The following AKAP10 variants were observed in gnomAD, a reference collection of about 807,000 sequenced individuals.
The protein encoded by AKAP10 is A-kinase anchoring protein 10, also known as A-kinase anchor protein 10, mitochondrial.
A neutral mutation model predicts 80.8 loss-of-function variants in AKAP10; 24 were observed. That is an observed-to-expected ratio of 0.30 (90% confidence interval 0.22 to 0.42). The LOEUF is 0.42. Ranked by LOEUF, AKAP10 falls within the 10% of genes least tolerant of loss-of-function variation. The pLI, the probability that AKAP10 is intolerant of heterozygous loss-of-function variation, is 1.00. For synonymous variants in AKAP10, 291 were observed against 277.7 expected, an observed-to-expected ratio of 1.05 and a Z score of -0.48; for missense variants, 661 against 794.9, an observed-to-expected ratio of 0.83 and a Z score of 2.03.
chr17:19,932,449 T>C (rs1482512857), intron 9 of AKAP10, among the ~76,000 whole-genome samples: 2 of 98,788 alleles, frequency 2.0e-5, no homozygotes, highest in Non-Finnish European at 4.1e-5. Context: ...CAAGACTGTC[T>C]AAAAAAAAAA....
chr17:19,964,347 T>C (rs1339732460), intron 2 of AKAP10, among the ~76,000 whole-genome samples: 1 of 152,206 alleles, frequency 6.6e-6, no homozygotes, highest in African/African-American at 2.4e-5. Context: ...TCTTTCTTGG[T>C]CTCCATGGTA....
chr17:19,962,036 T>C (rs1428776820), intron 3 of AKAP10, among the ~76,000 whole-genome samples: 1 of 152,062 alleles, frequency 6.6e-6, no homozygotes, highest in Non-Finnish European at 1.5e-5. Context: ...GAATGGCTTG[T>C]GCCCAGGAGG....
chr17:19,970,497 C>A (rs2043481409), intron 1 of AKAP10, among the ~76,000 whole-genome samples: 1 of 152,206 alleles, frequency 6.6e-6, no homozygotes, highest in African/African-American at 2.4e-5. Flanking sequence ...CCACCTGACC[C>A]TTCCTTTCCC....
chr17:19,909,351 A>C, intron 13 of AKAP10, 75 bp from the exon 14 acceptor site: 3 of 1,297,890 alleles, frequency 2.3e-6, no homozygotes, highest in Non-Finnish European at 3.2e-6. Flanking sequence ...CAGTGCTCTT[A>C]ACAAATGGCT....
intron 5 of AKAP10, among the ~76,000 whole-genome samples, chr17:19,943,011 C>A (rs2043065659): frequency 6.6e-6 from 1 of 152,062 alleles, no homozygotes; most frequent in African/African-American, 2.4e-5. Flanking sequence ...TGATCCTCAG[C>A]CTTCTGAGTA....
At position 19,939,760 on chromosome 17, in the gene AKAP10, T is replaced by C. The variant is rs758337659; in HGVS notation, c.1275A>G (p.Gln425=). The C allele has an allele frequency of 1.2e-5, 19 of 1,613,952 alleles. No individual in the cohort carries two copies. The highest frequency in any genetic ancestry group is 1.5e-5 in the Non-Finnish European group (18 of 1,180,024). Residue 425 remains glutamine (Q), a synonymous_variant, in exon 8 of 15, where the codon CAA becomes CAG. Coordinates refer to ENST00000225737, the MANE Select transcript of AKAP10 (RefSeq NM_007202.4). Reference sequence around the variant, plus strand: ...CATTCTGTGCCTCCTGTCCATCATATTGGCCCTTTTTGGCAGCAAGCTGAG... The same window carrying C: ...CATTCTGTGCCTCCTGTCCATCATACTGGCCCTTTTTGGCAGCAAGCTGAG... ...FQSQLAAKKG[Q]YDGQEAQNDA...
At chr17:19,914,193 G>T (rs1166217475) in intron 12 of AKAP10, among the ~76,000 whole-genome samples, 3 of 152,158 alleles carry the variant, frequency 2.0e-5, no homozygotes, top group Admixed American at 6.6e-5. Context: ...TATAGACAGG[G>T]TCTCACTTTG....
At chr17:19,938,944 C>T (rs2043023663) in intron 8 of AKAP10, among the ~76,000 whole-genome samples, 1 of 152,058 alleles carries the variant, frequency 6.6e-6, no homozygotes, top group Non-Finnish European at 1.5e-5. Context: ...GTTGCCCAGG[C>T]TGGTCTCAAA....
At chr17:19,949,434 A>G (rs1251605426) in intron 4 of AKAP10, among the ~76,000 whole-genome samples, 1 of 152,184 alleles carries the variant, frequency 6.6e-6, no homozygotes, top group Non-Finnish European at 1.5e-5. Context: ...TTGGGTTACT[A>G]AAATCCTAGA....
At chr17:19,974,614 T>C (rs1257749753) in intron 1 of AKAP10, among the ~76,000 whole-genome samples, 1 of 152,152 alleles carries the variant, frequency 6.6e-6, no homozygotes, top group Non-Finnish European at 1.5e-5. Flanking sequence ...CTCAATGCAT[T>C]GATGGTATTT....
At chr17:19,940,366 T>C (rs993696741) in intron 7 of AKAP10, among the ~76,000 whole-genome samples, 3 of 152,234 alleles carry the variant, frequency 2.0e-5, no homozygotes, top group Non-Finnish European at 4.4e-5. Flanking sequence ...TTCTACTTAA[T>C]AGTCATTTGC....
At chr17:19,961,246 C>CA (rs2043346270) in intron 3 of AKAP10, among the ~76,000 whole-genome samples, 1 of 150,928 alleles carries the variant, frequency 6.6e-6, no homozygotes, top group African/African-American at 2.4e-5. Flanking sequence ...CCCAGCTACT[C>CA]AGGAGACTGA....
At chr17:19,919,294 A>C (rs987780714) in intron 12 of AKAP10, among the ~76,000 whole-genome samples, 8 of 152,188 alleles carry the variant, frequency 5.3e-5, no homozygotes, top group Non-Finnish European at 8.8e-5. Flanking sequence ...CATGGTGTAT[A>C]TGTGCCACAT....
intron 14 of AKAP10, among the ~76,000 whole-genome samples, chr17:19,906,641 G>A (rs1468259031): frequency 6.6e-6 from 1 of 152,162 alleles, no homozygotes; most frequent in Non-Finnish European, 1.5e-5. Context: ...ACAGCACTGC[G>A]GACAAATATC....
intron 12 of AKAP10, among the ~76,000 whole-genome samples, chr17:19,912,688 C>A (rs924857507): frequency 6.6e-6 from 1 of 152,218 alleles, no homozygotes; most frequent in African/African-American, 2.4e-5. Context: ...GCACTCCAGC[C>A]TGGGCCATAG....
rs2043115413 is a variant in AKAP10 at position 19,946,240 on chromosome 17, TATATATATA to T, written c.976+1158_976+1166del. 2.3e-3 allele frequency among the ~76,000 whole-genome samples: 33 copies of T among 14,584 alleles called. 2 individuals are homozygous for T. The South Asian group carries it at 0.031, about 14-fold the overall frequency. The allele number at this position is 14,584 out of a possible 152,430, so 9.6% of individuals were successfully genotyped here. A position where few individuals can be genotyped will look rare whatever the true frequency, so the allele number is the denominator to read the frequency against. On this transcript the variant is annotated intron_variant, in intron 5 of 14. Transcript: ENST00000225737. ...ATATATTTTATATATATATATATTA[TATATATATA>T]TATATATATATATATATATATATAT...
chr17:19,910,139 C>T (rs568828840), intron 12 of AKAP10, among the ~76,000 whole-genome samples, 161 bp from the exon 13 acceptor site: 59 of 152,090 alleles, frequency 3.9e-4, no homozygotes, highest in Non-Finnish European at 6.9e-4. Context: ...ACCAGCCTGG[C>T]CAACATGGTG....
intron 1 of AKAP10, 112 bp downstream of exon 1, chr17:19,977,480 G>C (rs2043585451): frequency 1.6e-5 from 13 of 828,500 alleles, no homozygotes; most frequent in Non-Finnish European, 2.1e-5. Context: ...CGCCGAGGTC[G>C]AGGCTCGCTG....
intron 5 of AKAP10, among the ~76,000 whole-genome samples, chr17:19,946,242 T>TAAA (rs2043115933): frequency 1.5e-4 from 2 of 13,710 alleles, no homozygotes; most frequent in African/African-American, 7.9e-4. Context: ...ATATATTATA[T>TAAA]ATATATATAT....
Sources: gnomAD v4.1 joint callset for allele counts (sites outside exome capture counted in the v4.1 genomes callset) on GRCh38, gnomAD v4.1.1 for gene constraint, MANE v1.5 for transcripts, NCBI Gene and HGNC (gene_info 2026-07-23, HGNC 2026-07-21) for gene names.